C3orf18: variants seen among roughly 807,000 people sequenced by gnomAD.
C3orf18 encodes uncharacterized protein C3orf18.
C3orf18 carries 12 observed loss-of-function variants against 14.1 expected under a neutral mutation model. The observed-to-expected ratio is 0.85, with a 90% CI of 0.55 to 1.38. C3orf18 has a LOEUF of 1.38. C3orf18 is among the 40% of genes most tolerant of loss of function. The pLI is 0.00. For synonymous variants in C3orf18, 82 were observed against 87.9 expected (o/e 0.93, Z 0.38); for missense variants, 196 against 213.9 (o/e 0.92, Z 0.52).
intron 5 of C3orf18, 49 bp from the exon 6 acceptor site, chr3:50,559,786 A>T: frequency 7.7e-7 from 1 of 1,291,782 alleles, no homozygotes; most frequent in South Asian, 1.5e-5. Context: ...AAGGCCATGC[A>T]CTCACTGGCC....
chr3:50,573,265 A>C (rs417592), upstream of C3orf18, among the ~76,000 whole-genome samples: 1 of 152,094 alleles, frequency 6.6e-6, no homozygotes, highest in Non-Finnish European at 1.5e-5. Context: ...TCAGAGCCCC[A>C]TCCCTCACAT....
rs1389511709 is a variant in C3orf18 at position 50,565,475 on chromosome 3, A to G, written c.225T>C (p.Ala75=). The change falls in exon 3 of 6, where the codon GCT becomes GCC. Residue 75 remains alanine (A), a synonymous_variant. Coordinates refer to ENST00000357203, the MANE Select transcript of C3orf18 (RefSeq NM_016210.5). The surrounding 1 kb of genome is among the most constrained non-coding windows in gnomAD (Gnocchi z 4.4). The part of the protein sequence containing the change: ...SFGIITVIGL[A]VALVLYIRKK... ...CTACCCCAGCTCTCACCAAGGCCAC[A>G]GCCAGGCCTATCACCGTGATGATCC... 6.2e-7 allele frequency: 1 copy of G among 1,613,470 alleles called. No individual in the cohort carries two copies. Among genetic ancestry groups the G allele is most frequent in the South Asian group, 1.1e-5 (1 of 91,062 alleles).
Position 50,565,378 on chromosome 3 carries a change from T to C in C3orf18, c.234+88A>G. ...CAAGACTCTGTCTCAAAAACAACAATAACAACAACCAGATTGTCTTCTGAT... is the reference window on the plus strand; with the variant it reads ...CAAGACTCTGTCTCAAAAACAACAACAACAACAACCAGATTGTCTTCTGAT... On this transcript the variant is annotated intron_variant, in intron 3 of 5. Transcript: ENST00000357203. The surrounding 1 kb of genome is among the most constrained non-coding windows in gnomAD (Gnocchi z 4.4). The C allele has an allele frequency of 9.5e-7, 1 of 1,056,982 alleles. No individual in the cohort carries two copies. Among genetic ancestry groups the C allele is most frequent in the Middle Eastern group, 2.0e-4 (1 of 4,954 alleles). The allele number at this position is 1,056,982 out of a possible 1,614,324, so 65.5% of individuals were successfully genotyped here.
At chr3:50,574,474 G>A (rs1344896735), upstream of C3orf18, among the ~76,000 whole-genome samples, 37 of 152,216 alleles carry the variant, frequency 2.4e-4, no homozygotes, top group Non-Finnish European at 2.9e-5. Flanking sequence ...ATCCACATAC[G>A]TGGTGTGTGT....
At position 50,565,493 on chromosome 3, in the gene C3orf18, G is replaced by C; in HGVS notation, c.207C>G (p.Ile69Met). 1 of 1,613,992 alleles carries C rather than the reference G, an allele frequency of 6.2e-7. No individual in the cohort carries two copies. Among genetic ancestry groups the C allele is most frequent in the Non-Finnish European group, 8.5e-7 (1 of 1,179,984 alleles). Residue 69 changes from isoleucine (I) to methionine (M), a missense_variant, in exon 3 of 6, where the codon ATC (isoleucine) becomes ATG (methionine). Coordinates refer to ENST00000357203, the MANE Select transcript of C3orf18 (RefSeq NM_016210.5). The surrounding 1 kb of genome is among the most constrained non-coding windows in gnomAD (Gnocchi z 4.4). ...AGGCCACAGCCAGGCCTATCACCGTGATGATCCCAAAGGACAGAAGCATGG... is the reference window on the plus strand; with the variant it reads ...AGGCCACAGCCAGGCCTATCACCGTCATGATCCCAAAGGACAGAAGCATGG... ...VGTMLLSFGIITVIGLAVALV... is the reference protein window; with the variant it reads ...VGTMLLSFGIMTVIGLAVALV...
chr3:50,565,925 C>T lies in C3orf18; in HGVS notation c.-162-64G>A. The T allele has an allele frequency of 1.8e-6, 1 of 564,528 alleles. No individual in the cohort carries two copies. Among genetic ancestry groups the T allele is most frequent in the Non-Finnish European group, 3.2e-6 (1 of 316,526 alleles). 35.0% of individuals were successfully genotyped at this position (564,528 alleles called of 1,614,324 possible). A position where few individuals can be genotyped will look rare whatever the true frequency, so the allele number is the denominator to read the frequency against. On this transcript the variant is annotated intron_variant, in intron 2 of 5. Transcript: ENST00000357203. This position sits in a 1 kb window ranked among gnomAD's most constrained non-coding sequence, Gnocchi z 4.4. ...GGGGCTCAGTAGTGAGATGAAGTCT[C>T]TCTAGGTTCTGAAAGCACTGGGGAG...
upstream of C3orf18, chr3:50,571,919 T>G: frequency 7.8e-7 from 1 of 1,282,896 alleles, no homozygotes. Context: ...GGTGTTGGGG[T>G]GCAGGAGTGG....
At chr3:50,572,936 G>C (rs1701175993), upstream of C3orf18, among the ~76,000 whole-genome samples, 2 of 152,244 alleles carry the variant, frequency 1.3e-5, no homozygotes, top group African/African-American at 4.8e-5. Flanking sequence ...TGGTGGGCAA[G>C]CCAGAGGGCG....
At chr3:50,572,535 G>A (rs146614682), upstream of C3orf18, among the ~76,000 whole-genome samples, 2 of 152,298 alleles carry the variant, frequency 1.3e-5, no homozygotes, top group Non-Finnish European at 1.5e-5. Flanking sequence ...AACCCACAGG[G>A]AACAAATGTC....
At chr3:50,570,885 G>T (rs1359279769), upstream of C3orf18, 4 of 450,576 alleles carry the variant, frequency 8.9e-6, no homozygotes, top group African/African-American at 2.0e-5. Context: ...AGAAGGGGGG[G>T]TGTCATACAA....
upstream of C3orf18, chr3:50,570,482 A>G (rs1700818376): frequency 6.6e-6 from 1 of 152,260 alleles, no homozygotes; most frequent in South Asian, 2.1e-4. Context: ...TTGTAACATC[A>G]GTTAAGATCA....
chr3:50,570,882 G>A (rs2107367054), upstream of C3orf18: 1 of 449,660 alleles, frequency 2.2e-6, no homozygotes, highest in East Asian at 3.6e-5. Context: ...GGTAGAAGGG[G>A]GGGTGTCATA....
upstream of C3orf18, among the ~76,000 whole-genome samples, chr3:50,568,725 CAAAAAAAA>C (rs66828816): frequency 1.2e-5 from 1 of 84,040 alleles, no homozygotes; most frequent in African/African-American, 4.5e-5. Context: ...AACTCCGTCT[CAAAAAAAA>C]AAAAAAAAAA....
upstream of C3orf18, chr3:50,572,040 T>G (rs1375668728): frequency 1.9e-6 from 3 of 1,597,504 alleles, no homozygotes; most frequent in Admixed American, 5.1e-5. Context: ...TGGCCACAAG[T>G]GGTATCTCAA....
chr3:50,560,137 G>C (rs1699877630), intron 5 of C3orf18, among the ~76,000 whole-genome samples: 4 of 152,204 alleles, frequency 2.6e-5, no homozygotes, highest in Admixed American at 2.0e-4. Context: ...AATATCCCAA[G>C]GGGGCAATAT....
intron 3 of C3orf18, among the ~76,000 whole-genome samples, chr3:50,563,295 C>T (rs1055782858): frequency 7.9e-5 from 12 of 152,118 alleles, no homozygotes. Context: ...GCCCCTGCCA[C>T]CCTGAGCAAG....
Position 50,565,727 on chromosome 3 carries a change from A to G in C3orf18, c.-28T>C. ...TGATGCGGAGAGGGCCCTGGCTGAG[A>G]GGCTGCCTGATGCCAGTCAACCTGC... On this transcript the variant is annotated 5_prime_UTR_variant, in exon 3 of 6. Coordinates refer to ENST00000357203, the MANE Select transcript of C3orf18 (RefSeq NM_016210.5). The surrounding 1 kb of genome is among the most constrained non-coding windows in gnomAD (Gnocchi z 4.4). The G allele has an allele frequency of 6.4e-7, 1 of 1,556,772 alleles. No individual in the cohort carries two copies. Among genetic ancestry groups the G allele is most frequent in the Non-Finnish European group, 8.8e-7 (1 of 1,142,276 alleles).
upstream of C3orf18, chr3:50,572,226 GC>G: frequency 6.4e-7 from 1 of 1,560,528 alleles, no homozygotes; most frequent in Non-Finnish European, 8.8e-7. Context: ...TGCCACCAGG[GC>G]AAGGCAGGAT....
intron 1 of C3orf18, among the ~76,000 whole-genome samples, 152 bp from the exon 2 acceptor site, chr3:50,566,246 G>C (rs1394813303): frequency 2.6e-5 from 4 of 151,562 alleles, no homozygotes; most frequent in Non-Finnish European, 4.4e-5. Context: ...CTGCTTGGGG[G>C]AAAAAATACC....
Sources: gnomAD v4.1 joint callset for allele counts (sites outside exome capture counted in the v4.1 genomes callset) on GRCh38, gnomAD v4.1.1 for gene constraint, Gnocchi (gnomAD v3.1) non-coding constraint, MANE v1.5 for transcripts, NCBI Gene and HGNC (gene_info 2026-07-23, HGNC 2026-07-21) for gene names.